DELE1: variants seen among roughly 807,000 people sequenced by gnomAD.
The protein encoded by DELE1 is DAP3 binding cell death enhancer 1, also known as death ligand signal enhancer.
In DELE1, 54 loss-of-function variants were observed where a neutral mutation model predicts 59.3. The observed-to-expected ratio is 0.91, with a 90% CI of 0.73 to 1.14. The LOEUF (loss-of-function observed/expected upper bound fraction) is 1.14, where lower values mean the gene tolerates loss of function less well. Among genes scored for constraint, DELE1 ranks in the 50% most tolerant of loss-of-function variants. The probability of loss-of-function intolerance (pLI) is 0.00; values close to 1 mark genes in which losing one functional copy is unlikely to be tolerated. For missense variants in DELE1, 636 were observed against 643.9 expected (o/e 0.99, Z 0.13); for synonymous variants, 264 against 259.1 (o/e 1.02, Z -0.18).
rs574819588 is a variant in DELE1, at chr5:141,937,404, A to C, written c.1309+47A>C. The stretch of plus-strand genomic sequence containing the variant: ...AACAGGTTCATTCCCTGAGCTCAGT[A>C]CTCTGTGACAGATAAGTAGGTAGCA... On this transcript the variant is annotated intron_variant, in intron 11 of 11. Coordinates refer to ENST00000432126, the MANE Select transcript of DELE1 (RefSeq NM_014773.5). 19 of 1,596,082 alleles carry C rather than the reference A, an allele frequency of 1.2e-5. No individual in the cohort carries two copies. The African/African-American group carries it at 2.3e-4, about 19-fold the overall frequency.
intron 7 of DELE1, among the ~76,000 whole-genome samples, chr5:141,930,828 A>G (rs1751847616): frequency 6.6e-6 from 1 of 152,164 alleles, no homozygotes; most frequent in Non-Finnish European, 1.5e-5. Flanking sequence ...AACTTGGCTC[A>G]TTTTAGGCCT....
At position 141,925,484 on chromosome 5, in the gene DELE1, C is replaced by T; in HGVS notation, c.221C>T (p.Ser74Phe). 13 of 1,604,532 alleles carry T rather than the reference C, an allele frequency of 8.1e-6. No individual in the cohort carries two copies. The highest frequency in any genetic ancestry group is 1.0e-5 in the Non-Finnish European group (12 of 1,175,742). The change falls in exon 3 of 12, where the codon TCT becomes TTT. Residue 74 changes from serine to phenylalanine, a missense_variant. Coordinates refer to ENST00000432126, the MANE Select transcript of DELE1 (RefSeq NM_014773.5). ...TGGAAGGATGCCTTCCAATGGATGT[C>T]TTCCCGTGTCTCCCCGAACACCCTA... Reference protein sequence around the residue: ...HGWKDAFQWMSSRVSPNTLWD... With the variant: ...HGWKDAFQWMFSRVSPNTLWD...
Position 141,939,812 on chromosome 5 carries a change from T to C in DELE1, c.*1053T>C. On this transcript the variant is annotated 3_prime_UTR_variant, in exon 12 of 12. Transcript: ENST00000432126. ...AGACCAAAGGCAATGGTGTCTGCCC[T>C]CCTACCTTAGAAGACAAATGCAAGG... The C allele has an allele frequency of 1.5e-6, 1 of 656,532 alleles. No individual in the cohort carries two copies. 40.7% of individuals were successfully genotyped at this position (656,532 alleles called of 1,614,324 possible).
At position 141,941,856 on chromosome 5, in the gene DELE1, C is replaced by G. The variant is rs1193289494; in HGVS notation, c.*3097C>G. The G allele has an allele frequency of 2.0e-5, 20 of 985,158 alleles. No individual in the cohort carries two copies. The highest frequency in any genetic ancestry group is 2.4e-5 in the Non-Finnish European group (20 of 829,862). The allele number at this position is 985,158 out of a possible 1,614,324, so 61.0% of individuals were successfully genotyped here. On this transcript the variant is annotated 3_prime_UTR_variant, in exon 12 of 12. Transcript: ENST00000432126. ...ACTCCCCCCACCCAATGCCCAGCAC[C>G]AAGCCTACCCAGCACATAGTAGGTA...
At chr5:141,928,768 A>G (rs73792052) in intron 4 of DELE1, among the ~76,000 whole-genome samples, 9,182 of 152,200 alleles carry the variant, frequency 0.06, 921 homozygotes, top group African/African-American at 0.21. Flanking sequence ...GTCACTTTTA[A>G]CTTCCTTCTG....
chr5:141,935,682 G>A (rs1752291730), intron 10 of DELE1, among the ~76,000 whole-genome samples: 1 of 152,220 alleles, frequency 6.6e-6, no homozygotes, highest in Non-Finnish European at 1.5e-5. Flanking sequence ...GAGCCCCACA[G>A]AGCCTTCCAA....
rs779811959 is a variant in DELE1 at position 141,934,611 on chromosome 5, T to C, written c.1149+25T>C. 4 of 1,602,546 alleles carry C rather than the reference T, an allele frequency of 2.5e-6. No homozygotes were observed. The South Asian group carries it at 4.4e-5, about 18-fold the overall frequency. On this transcript the variant is annotated intron_variant, in intron 10 of 11. Coordinates refer to ENST00000432126, the MANE Select transcript of DELE1 (RefSeq NM_014773.5). ...GGTATGCGATCTCAGTGGACAAGCA[T>C]GTTGGGGATGAAGCCTGATAAGAGA... is the stretch of plus-strand genomic sequence containing the variant.
intron 1 of DELE1, 34 bp from the exon 2 acceptor site, chr5:141,924,547 G>GT: frequency 7.8e-7 from 1 of 1,276,866 alleles, no homozygotes; most frequent in Non-Finnish European, 1.1e-6. Context: ...CTGGGTTCTT[G>GT]TTGAGGTGCC....
rs1751791098 is a variant in DELE1 at position 141,930,202 on chromosome 5, T to C, written c.682T>C (p.Ser228Pro). The C allele has an allele frequency of 6.2e-7, 1 of 1,613,952 alleles. No individual in the cohort carries two copies. The highest frequency in any genetic ancestry group is 8.5e-7 in the Non-Finnish European group (1 of 1,179,816). Residue 228 changes from serine (S) to proline (P), a missense_variant, in exon 7 of 12, where the codon TCC becomes CCC. Coordinates refer to ENST00000432126, the MANE Select transcript of DELE1 (RefSeq NM_014773.5). The part of the protein sequence containing the change: ...EKEQDKSKTL[S>P]LEEAVTSIQQ... Reference sequence around the variant, plus strand: ...GGAACAAGATAAATCAAAAACTCTTTCCCTTGAGGAGGCTGTGACTTCCAT... The same window carrying C: ...GGAACAAGATAAATCAAAAACTCTTCCCCTTGAGGAGGCTGTGACTTCCAT...
Position 141,942,036 on chromosome 5 carries a change from A to C in DELE1, c.*3277A>C. The C allele has an allele frequency of 1.0e-6, 1 of 985,294 alleles. No individual in the cohort carries two copies. Among genetic ancestry groups the C allele is most frequent in the Non-Finnish European group, 1.2e-6 (1 of 829,898 alleles). 61.0% of individuals were successfully genotyped at this position (985,294 alleles called of 1,614,324 possible). ...TTAGTAATTATTCAATAAACACAAA[A>C]TGTTTGTTGCATGAGTGTTTCTGAT... is the stretch of plus-strand genomic sequence containing the variant. On this transcript the variant is annotated 3_prime_UTR_variant, in exon 12 of 12. Transcript: ENST00000432126.
rs1474530773 is a variant in DELE1, at chr5:141,940,377, C to T, written c.*1618C>T. ...TATTCCCTGGCTTCTGGATGTTAGC[C>T]CAAGTTGAATAGCATAGATGTGGTT... On this transcript the variant is annotated 3_prime_UTR_variant, in exon 12 of 12. Coordinates refer to ENST00000432126, the MANE Select transcript of DELE1 (RefSeq NM_014773.5). The T allele has an allele frequency of 1.0e-6, 1 of 985,224 alleles. No individual in the cohort carries two copies. The highest frequency in any genetic ancestry group is 1.2e-6 in the Non-Finnish European group (1 of 829,930). The allele number at this position is 985,224 out of a possible 1,614,324, so 61.0% of individuals were successfully genotyped here.
intron 1 of DELE1, 60 bp from the exon 2 acceptor site, chr5:141,924,521 C>A: frequency 1.0e-6 from 1 of 953,582 alleles, no homozygotes; most frequent in Non-Finnish European, 1.7e-6. Flanking sequence ...TCTGCTGAGG[C>A]AGATGACAGT....
chr5:141,924,605 G>A lies in DELE1; in HGVS notation c.56G>A (p.Ser19Asn). 6.2e-7 allele frequency: 1 copy of A among 1,613,692 alleles called. No homozygotes were observed. Among genetic ancestry groups the A allele is most frequent in the African/African-American group, 1.3e-5 (1 of 74,998 alleles). Residue 19 changes from serine (S) to asparagine (N), a missense_variant, in exon 2 of 12, where the codon AGC (serine) becomes AAC (asparagine). Physicochemically the swap from Ser to Asn is conservative, Grantham distance 46. Coordinates refer to ENST00000432126, the MANE Select transcript of DELE1 (RefSeq NM_014773.5). ...GCTCTTCCCCGTACACTGGGACCTA[G>A]CCTCTGGAGGGTGACTCCTAAGTCC... ...GRALPRTLGP[S>N]LWRVTPKSTS... is the part of the protein sequence containing the mutation.
rs1752108030 is a variant in DELE1 at position 141,933,505 on chromosome 5, C to T, written c.897+104C>T. 4.6e-6 allele frequency: 4 copies of T among 878,614 alleles called. No individual in the cohort carries two copies. The South Asian group carries it at 1.2e-4, about 26-fold the overall frequency. The allele number at this position is 878,614 out of a possible 1,614,324, so 54.4% of individuals were successfully genotyped here. ...GGGGGAAAGTTTGGCTTCTTTTCTC[C>T]ACTTGGTTCTAGCCCAGCTGCGAAG... is the stretch of plus-strand genomic sequence containing the variant. On this transcript the variant is annotated intron_variant, in intron 8 of 11. Transcript: ENST00000432126.
intron 3 of DELE1, among the ~76,000 whole-genome samples, chr5:141,927,002 C>T (rs1596591675): frequency 6.6e-6 from 1 of 152,222 alleles, no homozygotes; most frequent in Non-Finnish European, 1.5e-5. Context: ...CACAGACAGG[C>T]TTTCCCTGAC....
chr5:141,930,154 G>T (rs780292981), intron 6 of DELE1, 24 bp from the exon 7 acceptor site: 17 of 1,609,370 alleles, frequency 1.1e-5, no homozygotes, highest in Non-Finnish European at 1.4e-5. Context: ...ATCCCTTGGT[G>T]AGTCTTTTAT....
In DELE1 at chr5:141,939,150, G is replaced by T. The variant is rs909973033; in HGVS notation, c.*391G>T. ...ACTACTGTTTGCCAATGTCTGATGT[G>T]TGTATCCCTGGTTCACAAGAAGATT... On this transcript the variant is annotated 3_prime_UTR_variant, in exon 12 of 12. Coordinates refer to ENST00000432126, the MANE Select transcript of DELE1 (RefSeq NM_014773.5). 5 of 983,042 alleles carry T rather than the reference G, an allele frequency of 5.1e-6. No homozygotes were observed. In the Admixed American group the frequency reaches 1.8e-4, roughly 35 times the overall value. 60.9% of individuals were successfully genotyped at this position (983,042 alleles called of 1,614,324 possible).
intron 3 of DELE1, among the ~76,000 whole-genome samples, chr5:141,926,110 T>C (rs1811233): frequency 0.15 from 23,080 of 152,028 alleles, 2,659 homozygotes; most frequent in African/African-American, 0.33. Context: ...GAACTCCTGA[T>C]CTCGTGACCC....
At position 141,938,467 on chromosome 5, in the gene DELE1, A is replaced by G. The variant is rs17097878; in HGVS notation, c.1310-54A>G. On this transcript the variant is annotated intron_variant, in intron 11 of 11. Transcript: ENST00000432126. ...CTTGAAGAAGTGCTGGCTCCAAAGTAGGAGTCCAAGAATATACAGCAAGAG... is the reference window on the plus strand; with the variant it reads ...CTTGAAGAAGTGCTGGCTCCAAAGTGGGAGTCCAAGAATATACAGCAAGAG... The G allele has an allele frequency of 0.015, 22,908 of 1,573,054 alleles. 2,866 individuals are homozygous for G. In the African/African-American group the frequency reaches 0.27, roughly 19 times the overall value.
Sources: allele counts gnomAD v4.1 joint callset (sites outside exome capture counted in the v4.1 genomes callset), GRCh38; gene constraint gnomAD v4.1.1; transcripts MANE v1.5; gene names NCBI Gene and HGNC (gene_info 2026-07-23, HGNC 2026-07-21).